TBC1D19: variants seen among roughly 807,000 people sequenced by gnomAD.
TBC1D19 encodes TBC1 domain family member 19, also known as TBC1 domain family, member 19.
TBC1D19 carries 60 observed loss-of-function variants against 89.0 expected under a neutral mutation model. The ratio of observed to expected loss-of-function variants is 0.67; its 90% confidence interval spans 0.55 to 0.84. The LOEUF is 0.84. Ranked by LOEUF, TBC1D19 falls within the 40% of genes least tolerant of loss-of-function variation. The pLI, the probability that TBC1D19 is intolerant of heterozygous loss-of-function variation, is 0.00. For missense variants in TBC1D19, 500 were observed against 610.8 expected, an observed-to-expected ratio of 0.82 and a Z score of 1.91; for synonymous variants, 189 against 199.7, an observed-to-expected ratio of 0.95 and a Z score of 0.45.
chr4:26,673,565 A>G (rs2109112277), intron 10 of TBC1D19, among the ~76,000 whole-genome samples: 1 of 151,430 alleles, frequency 6.6e-6, no homozygotes, highest in Non-Finnish European at 1.5e-5. Flanking sequence ...ACTGGGTAGG[A>G]GGTGGAAGAG....
the TBC1D19 span, among the ~76,000 whole-genome samples, chr4:26,775,454 A>T: frequency 6.6e-6 from 1 of 152,204 alleles, no homozygotes; most frequent in Non-Finnish European, 1.5e-5. Flanking sequence ...ACTCTGTCTC[A>T]AAAGAAAGAA....
the TBC1D19 span, among the ~76,000 whole-genome samples, chr4:26,772,331 C>T: frequency 6.6e-6 from 1 of 152,156 alleles, no homozygotes; most frequent in Non-Finnish European, 1.5e-5. Context: ...ATTGCAGTCC[C>T]TGAAGGGTCT....
intron 15 of TBC1D19, among the ~76,000 whole-genome samples, chr4:26,733,081 G>A (rs1717766492): frequency 1.3e-5 from 2 of 152,170 alleles, no homozygotes; most frequent in Admixed American, 6.5e-5. Context: ...CTGTGTGCTA[G>A]AAGACTAGAG....
rs369345312 is a variant in TBC1D19, at chr4:26,725,451, G to A, written c.1084+5326G>A. 4.0e-5 allele frequency among the ~76,000 whole-genome samples: 6 copies of A among 151,030 alleles called. No individual in the cohort carries two copies. In the South Asian group the frequency reaches 8.4e-4, roughly 21 times the overall value. On this transcript the variant is annotated intron_variant, in intron 15 of 20. Transcript: ENST00000264866. ...CCCCAAGACAAAGTCTTGCTCTGTC[G>A]TCCAGGCTGGAATGCAGTGGGCCGA...
intron 1 of TBC1D19, among the ~76,000 whole-genome samples, chr4:26,578,873 A>G (rs1351614705): frequency 6.6e-6 from 1 of 152,226 alleles, no homozygotes; most frequent in Non-Finnish European, 1.5e-5. Context: ...TAGAGTGGCT[A>G]ACAGATATAG....
At chr4:26,820,124 A>G in the TBC1D19 span, among the ~76,000 whole-genome samples, 165 of 152,338 alleles carry the variant, frequency 1.1e-3, no homozygotes, top group Non-Finnish European at 1.7e-3. Flanking sequence ...GATTCATTCA[A>G]GCTAATTGAC....
intron 7 of TBC1D19, among the ~76,000 whole-genome samples, chr4:26,658,133 T>C (rs1744983294): frequency 6.6e-6 from 1 of 152,236 alleles, no homozygotes; most frequent in Non-Finnish European, 1.5e-5. Flanking sequence ...CCATTGCTTT[T>C]GGTGTTTTAA....
the TBC1D19 span, among the ~76,000 whole-genome samples, chr4:26,853,841 C>G: frequency 6.6e-6 from 1 of 152,218 alleles, no homozygotes; most frequent in Non-Finnish European, 1.5e-5. Context: ...GGCCAAGAAA[C>G]AACTTTTAAA....
At chr4:26,710,873 G>T in intron 13 of TBC1D19, among the ~76,000 whole-genome samples, 1 of 152,130 alleles carries the variant, frequency 6.6e-6, no homozygotes, top group South Asian at 2.1e-4. Context: ...TTTTGATGGG[G>T]TTGTTTGTTT....
chr4:26,659,686 A>C lies in TBC1D19; in HGVS notation c.570A>C (p.Lys190Asn). 1.3e-6 allele frequency: 2 copies of C among 1,583,750 alleles called. No individual in the cohort carries two copies. The highest frequency in any genetic ancestry group is 1.7e-6 in the Non-Finnish European group (2 of 1,158,620). The change falls in exon 8 of 21, where the codon AAA (lysine) becomes AAC (asparagine). Residue 190 changes from lysine to asparagine, a missense_variant. By Grantham distance (94) the Lys-to-Asn change is moderately conservative. Transcript: ENST00000264866. Reference sequence around the variant, plus strand: ...TGGGTTTAATTCAAGTTCCACTGAAAGTAAAAGACATCCCTGAATTGGTAA... The same window carrying C: ...TGGGTTTAATTCAAGTTCCACTGAACGTAAAAGACATCCCTGAATTGGTAA... ...THLGLIQVPL[K>N]VKDIPELKEC...
At chr4:26,765,151 A>G in the TBC1D19 span, among the ~76,000 whole-genome samples, 7 of 152,146 alleles carry the variant, frequency 4.6e-5, no homozygotes, top group Non-Finnish European at 1.0e-4. Context: ...AGTAGGCGAC[A>G]GCAGGATGGA....
the TBC1D19 span, among the ~76,000 whole-genome samples, chr4:26,832,469 G>A: frequency 4.4e-4 from 67 of 152,292 alleles, no homozygotes; most frequent in Non-Finnish European, 8.1e-4. Context: ...TCCTTTTCAA[G>A]ACAAAAGAGT....
chr4:26,629,547 A>T (rs1336039599), intron 4 of TBC1D19, among the ~76,000 whole-genome samples: 1 of 152,110 alleles, frequency 6.6e-6, no homozygotes, highest in Non-Finnish European at 1.5e-5. Context: ...AATAGAGAAC[A>T]TTCCTAGAAA....
chr4:26,793,940 T>C, the TBC1D19 span, among the ~76,000 whole-genome samples: 1 of 152,152 alleles, frequency 6.6e-6, no homozygotes, highest in Non-Finnish European at 1.5e-5. Context: ...ATTTGATTGG[T>C]CCATCTTGGG....
chr4:26,721,649 T>G (rs181858563), intron 15 of TBC1D19, among the ~76,000 whole-genome samples: 38 of 152,260 alleles, frequency 2.5e-4, no homozygotes, highest in Admixed American at 1.2e-3. Flanking sequence ...TCTTAATGGC[T>G]TCCCATCTCT....
At chr4:26,658,148 C>T (rs990712332) in intron 7 of TBC1D19, among the ~76,000 whole-genome samples, 24 of 152,146 alleles carry the variant, frequency 1.6e-4, no homozygotes, top group East Asian at 3.9e-4. Flanking sequence ...TTTTAAGACA[C>T]GAAGTCTTTG....
At chr4:26,656,583 G>C (rs980751981) in intron 7 of TBC1D19, among the ~76,000 whole-genome samples, 11 of 150,734 alleles carry the variant, frequency 7.3e-5, no homozygotes, top group African/African-American at 2.4e-4. Context: ...TTTTGAGATG[G>C]AGTGTTGCTC....
intron 11 of TBC1D19, among the ~76,000 whole-genome samples, chr4:26,681,206 T>C (rs1158368170): frequency 6.6e-5 from 10 of 152,156 alleles, no homozygotes; most frequent in African/African-American, 2.2e-4. Flanking sequence ...TGATTTTTTT[T>C]CTGAGATTAG....
intron 19 of TBC1D19, among the ~76,000 whole-genome samples, chr4:26,753,014 G>C (rs922384446): frequency 6.6e-6 from 1 of 152,018 alleles, no homozygotes; most frequent in South Asian, 2.1e-4. Context: ...GTCCTGTAAT[G>C]TTTGGATTTT....
Sources: gnomAD v4.1 joint callset for allele counts (sites outside exome capture counted in the v4.1 genomes callset) on GRCh38, gnomAD v4.1.1 for gene constraint, MANE v1.5 for transcripts, NCBI Gene and HGNC (gene_info 2026-07-23, HGNC 2026-07-21) for gene names.